Variants in APELA observed in about 807,000 individuals in gnomAD.
The protein encoded by APELA is protein Elabela.
chr4:164,888,893 C>T (rs1452523664), intron 2 of APELA, among the ~76,000 whole-genome samples: 1 of 152,136 alleles, frequency 6.6e-6, no homozygotes, highest in Non-Finnish European at 1.5e-5. Flanking sequence ...TTATTTCCTC[C>T]GCCTAGACGT....
At chr4:164,879,601 C>T (rs1427487409) in intron 2 of APELA, among the ~76,000 whole-genome samples, 1 of 152,104 alleles carries the variant, frequency 6.6e-6, no homozygotes, top group African/African-American at 2.4e-5. Flanking sequence ...TGCGCCACCA[C>T]TCCTGGGTAA....
chr4:164,884,245 A>T (rs1730725797), intron 2 of APELA, among the ~76,000 whole-genome samples: 1 of 151,920 alleles, frequency 6.6e-6, no homozygotes, highest in Non-Finnish European at 1.5e-5. Flanking sequence ...GGAAAGAAAG[A>T]AGAGTTCCAC....
At chr4:164,887,265 A>T (rs1352042560) in intron 2 of APELA, among the ~76,000 whole-genome samples, 1 of 152,054 alleles carries the variant, frequency 6.6e-6, no homozygotes, top group Non-Finnish European at 1.5e-5. Flanking sequence ...CATCTAATCC[A>T]TTCCCCTCCT....
intron 2 of APELA, among the ~76,000 whole-genome samples, chr4:164,887,754 A>G (rs4423831): frequency 0.29 from 43,260 of 151,570 alleles, 7,407 homozygotes; most frequent in African/African-American, 0.49. Context: ...TGGGATTACA[A>G]GCATGCGCCA....
At chr4:164,897,705 C>A (rs1731002115), downstream of APELA, among the ~76,000 whole-genome samples, 1 of 152,122 alleles carries the variant, frequency 6.6e-6, no homozygotes, top group African/African-American at 2.4e-5. Context: ...TCATGATGAT[C>A]AGAGCAAGGG....
chr4:164,884,123 GA>G (rs1560858045), intron 2 of APELA, among the ~76,000 whole-genome samples: 42 of 118,616 alleles, frequency 3.5e-4, no homozygotes, highest in African/African-American at 1.2e-3. Context: ...GAAAGAAAGA[GA>G]AAGAAAGAAA....
chr4:164,883,127 T>C (rs1228449599), intron 2 of APELA, among the ~76,000 whole-genome samples: 1 of 152,140 alleles, frequency 6.6e-6, no homozygotes, highest in African/African-American at 2.4e-5. Context: ...CTTCCTGCAA[T>C]TGTCCTAGCA....
downstream of APELA, chr4:164,898,695 TC>T (rs1731022521): frequency 6.6e-6 from 1 of 152,094 alleles, no homozygotes; most frequent in South Asian, 2.1e-4. Flanking sequence ...TAAAGGCTGA[TC>T]CCTTCTTTCA....
intron 1 of APELA, among the ~76,000 whole-genome samples, chr4:164,878,705 A>G (rs541089700): frequency 1.3e-5 from 2 of 152,362 alleles, no homozygotes; most frequent in African/African-American, 4.8e-5. Flanking sequence ...GAGTTAAAAA[A>G]ATAGGAGTAA....
In APELA at chr4:164,879,234, A is replaced by C. The variant is rs1443412846; in HGVS notation, c.*1+225A>C. Reference sequence around the variant, plus strand: ...TTAGACAGATGAGGACAATGTAGGAAAATCTTGATAACTGTTGAATCTGAG... The same window carrying C: ...TTAGACAGATGAGGACAATGTAGGACAATCTTGATAACTGTTGAATCTGAG... On this transcript the variant is annotated intron_variant, in intron 2 of 2. Coordinates refer to ENST00000507152, the MANE Select transcript of APELA (RefSeq NM_001297550.2). 32 of 353,136 alleles carry C rather than the reference A, an allele frequency of 9.1e-5. No homozygotes were observed. The East Asian group carries it at 1.3e-3, about 15-fold the overall frequency. The allele number at this position is 353,136 out of a possible 1,614,324, so 21.9% of individuals were successfully genotyped here. A position where few individuals can be genotyped will look rare whatever the true frequency, so the allele number is the denominator to read the frequency against.
At chr4:164,892,079 G>A (rs1486274635) in intron 2 of APELA, among the ~76,000 whole-genome samples, 1 of 152,060 alleles carries the variant, frequency 6.6e-6, no homozygotes, top group Non-Finnish European at 1.5e-5. Context: ...GGGAGGCTGA[G>A]GGGGGCAGAT....
At chr4:164,893,847 C>T (rs990155107) in intron 2 of APELA, among the ~76,000 whole-genome samples, 6 of 151,766 alleles carry the variant, frequency 4.0e-5, no homozygotes, top group Admixed American at 2.6e-4. Flanking sequence ...GTTGAACTTA[C>T]GCAATTTTAT....
intron 2 of APELA, among the ~76,000 whole-genome samples, chr4:164,890,022 C>T (rs1232384490): frequency 1.3e-5 from 2 of 152,080 alleles, no homozygotes; most frequent in Non-Finnish European, 2.9e-5. Flanking sequence ...GAACCAGTTC[C>T]CAGGGATACT....
At chr4:164,882,940 G>C (rs1238879109) in intron 2 of APELA, among the ~76,000 whole-genome samples, 1 of 152,172 alleles carries the variant, frequency 6.6e-6, no homozygotes, top group Non-Finnish European at 1.5e-5. Context: ...TTTTATGGCT[G>C]CATGGTATTC....
chr4:164,886,840 G>A (rs564180403), intron 2 of APELA, among the ~76,000 whole-genome samples: 206 of 148,044 alleles, frequency 1.4e-3, no homozygotes, highest in African/African-American at 4.7e-3. Flanking sequence ...TTTTTTTTGG[G>A]ACAGAGTTCC....
At chr4:164,898,825 C>G (rs1731024035), downstream of APELA, 2 of 152,138 alleles carry the variant, frequency 1.3e-5, no homozygotes, top group Non-Finnish European at 2.9e-5. Context: ...CGGTCCCGTC[C>G]TGAATCATTT....
intron 2 of APELA, among the ~76,000 whole-genome samples, chr4:164,890,642 C>T (rs550022629): frequency 6.6e-6 from 1 of 152,244 alleles, no homozygotes; most frequent in East Asian, 1.9e-4. Context: ...GTCCAGTCAC[C>T]TATTGATGAA....
chr4:164,897,674 A>C (rs1184922310), downstream of APELA, among the ~76,000 whole-genome samples: 1 of 152,160 alleles, frequency 6.6e-6, no homozygotes, highest in Non-Finnish European at 1.5e-5. Flanking sequence ...AGCCCTTACC[A>C]CTGCAGATCT....
intron 2 of APELA, among the ~76,000 whole-genome samples, 170 bp from the exon 3 acceptor site, chr4:164,895,246 G>A (rs139016842): frequency 6.6e-6 from 1 of 152,026 alleles, no homozygotes; most frequent in Admixed American, 6.6e-5. Flanking sequence ...AGACACATAG[G>A]TGCTGCATTT....
Sources: allele counts gnomAD v4.1 joint callset (sites outside exome capture counted in the v4.1 genomes callset), GRCh38; gene constraint gnomAD v4.1.1; transcripts MANE v1.5; gene names NCBI Gene and HGNC (gene_info 2026-07-23, HGNC 2026-07-21).